EYS: variants seen among roughly 807,000 people sequenced by gnomAD.
EYS encodes EGF-like photoreceptor maintenance factor.
Under a neutral mutation model 282.1 loss-of-function variants are expected in EYS, and 250 were observed. The observed-to-expected ratio is 0.89, with a 90% confidence interval of 0.80 to 0.98. The LOEUF is 0.98. EYS is among the 50% of genes least tolerant of loss of function. The probability of loss-of-function intolerance (pLI) is 0.00; values close to 1 mark genes in which losing one functional copy is unlikely to be tolerated. For synonymous variants in EYS, 1,355 were observed against 1,282.9 expected (o/e 1.06, Z -1.20); for missense variants, 4,016 against 3,709.0 (o/e 1.08, Z -2.15).
intron 33 of EYS, among the ~76,000 whole-genome samples, chr6:64,040,483 T>A (rs1770338532): frequency 6.6e-6 from 1 of 152,232 alleles, no homozygotes; most frequent in Admixed American, 6.5e-5. Flanking sequence ...GGTAGAATTT[T>A]AAATTTTGTA....
chr6:64,072,098 A>G (rs926723928), intron 32 of EYS, among the ~76,000 whole-genome samples: 29 of 152,002 alleles, frequency 1.9e-4, no homozygotes, highest in African/African-American at 5.3e-4. Context: ...ACACAAAGTA[A>G]TACATAATAA....
intron 26 of EYS, among the ~76,000 whole-genome samples, chr6:64,473,398 T>C (rs1319709050): frequency 2.6e-5 from 4 of 152,134 alleles, no homozygotes; most frequent in Non-Finnish European, 4.4e-5. Context: ...CATGAATAAA[T>C]AGAAATAATG....
chr6:65,103,533 G>A (rs527511105), intron 12 of EYS, among the ~76,000 whole-genome samples: 1 of 151,302 alleles, frequency 6.6e-6, no homozygotes, highest in African/African-American at 2.4e-5. Flanking sequence ...CTAACATCCT[G>A]ATGGGACCCA....
chr6:65,029,799 C>T (rs960561420), intron 13 of EYS, among the ~76,000 whole-genome samples: 1 of 152,104 alleles, frequency 6.6e-6, no homozygotes, highest in Non-Finnish European at 1.5e-5. Context: ...GAATTCAGAG[C>T]GGATGGAAAG....
intron 35 of EYS, among the ~76,000 whole-genome samples, chr6:63,894,280 C>A (rs1442886853): frequency 3.9e-5 from 6 of 152,102 alleles, no homozygotes; most frequent in Non-Finnish European, 8.8e-5. Context: ...ATGAGACCAT[C>A]CTGGATTAGG....
At chr6:64,977,695 A>C (rs1257105583) in intron 14 of EYS, among the ~76,000 whole-genome samples, 6 of 151,800 alleles carry the variant, frequency 4.0e-5, no homozygotes, top group Non-Finnish European at 7.4e-5. Context: ...CTTGAAGAAA[A>C]TTTAAATTGC....
intron 2 of EYS, among the ~76,000 whole-genome samples, chr6:65,543,542 A>C (rs1768262064): frequency 6.6e-6 from 1 of 150,838 alleles, no homozygotes; most frequent in African/African-American, 2.4e-5. Context: ...GGGAATTGAT[A>C]AAATGTTTAT....
At chr6:63,744,410 C>T (rs1769159739) in intron 41 of EYS, 2 of 152,204 alleles carry the variant, frequency 1.3e-5, no homozygotes, top group South Asian at 4.1e-4. Context: ...CCCTTCCCTA[C>T]CCTTAAAATC....
chr6:64,863,273 C>A (rs9363282), intron 19 of EYS, among the ~76,000 whole-genome samples: 23,572 of 152,074 alleles, frequency 0.16, 2,154 homozygotes, highest in East Asian at 0.49. Context: ...TCAAGAAATT[C>A]TTCTGAGTTC....
chr6:64,207,128 A>G (rs1206077447), intron 31 of EYS, among the ~76,000 whole-genome samples: 6 of 152,074 alleles, frequency 3.9e-5, no homozygotes, highest in Admixed American at 3.3e-4. Flanking sequence ...TTGCCAATGT[A>G]TGGTACTGGA....
At chr6:65,661,486 T>C (rs367609259) in intron 1 of EYS, among the ~76,000 whole-genome samples, 1 of 152,038 alleles carries the variant, frequency 6.6e-6, no homozygotes, top group Non-Finnish European at 1.5e-5. Flanking sequence ...ACTTACAAAG[T>C]ATTTTCCTAT....
At chr6:64,574,442 A>T (rs1007660558) in intron 26 of EYS, among the ~76,000 whole-genome samples, 1 of 152,176 alleles carries the variant, frequency 6.6e-6, no homozygotes, top group Non-Finnish European at 1.5e-5. Flanking sequence ...AATTAGTTAA[A>T]AAAATATTTT....
intron 35 of EYS, among the ~76,000 whole-genome samples, chr6:63,873,748 T>G (rs191390083): frequency 6.6e-6 from 1 of 152,372 alleles, no homozygotes; most frequent in African/African-American, 2.4e-5. Context: ...ATTTCTCTGA[T>G]GGCCAGTGAT....
intron 33 of EYS, among the ~76,000 whole-genome samples, chr6:64,061,726 T>C (rs917223735): frequency 2.6e-5 from 4 of 152,318 alleles, no homozygotes; most frequent in Admixed American, 6.5e-5. Flanking sequence ...TGGTGGATCA[T>C]GCCTGTAATC....
At chr6:65,115,961 T>TAA (rs200197223) in intron 12 of EYS, among the ~76,000 whole-genome samples, 1 of 132,242 alleles carries the variant, frequency 7.6e-6, no homozygotes, top group African/African-American at 3.0e-5. Flanking sequence ...TCTGTCTGTC[T>TAA]ATCTAATCTA....
At chr6:64,587,444 TTTTGCATTGTAGAACA>T (rs1484560075) in intron 26 of EYS, among the ~76,000 whole-genome samples, 1 of 152,012 alleles carries the variant, frequency 6.6e-6, no homozygotes, top group Non-Finnish European at 1.5e-5. Flanking sequence ...CTTTCAAGAT[TTTTGCATTGTAGAACA>T]TTAGACTATG....
At chr6:63,794,356 C>A (rs1770589056) in intron 37 of EYS, among the ~76,000 whole-genome samples, 1 of 152,168 alleles carries the variant, frequency 6.6e-6, no homozygotes, top group African/African-American at 2.4e-5. Flanking sequence ...GGGTCGGGAA[C>A]AGAAGTAGTA....
intron 26 of EYS, among the ~76,000 whole-genome samples, chr6:64,586,583 A>T (rs1272527079): frequency 6.6e-6 from 1 of 152,086 alleles, no homozygotes; most frequent in Non-Finnish European, 1.5e-5. Context: ...CTTTTCAGAA[A>T]GAAAAAACAA....
At chr6:65,012,738 A>G (rs1177854234) in intron 13 of EYS, among the ~76,000 whole-genome samples, 1 of 150,284 alleles carries the variant, frequency 6.7e-6, no homozygotes, top group Non-Finnish European at 1.5e-5. Context: ...TGATATCATT[A>G]GTGTCCATAA....
Sources: allele counts gnomAD v4.1 joint callset (sites outside exome capture counted in the v4.1 genomes callset), GRCh38; gene constraint gnomAD v4.1.1; transcripts MANE v1.5; gene names NCBI Gene and HGNC (gene_info 2026-07-23, HGNC 2026-07-21).